The following DPYD variants were observed in gnomAD, a reference collection of about 807,000 sequenced individuals.
DPYD encodes the protein dihydropyrimidine dehydrogenase [NADP(+)].
A neutral mutation model predicts 116.2 loss-of-function variants in DPYD; 109 were observed. That is an observed-to-expected ratio of 0.94 (90% CI 0.80 to 1.10). The LOEUF (loss-of-function observed/expected upper bound fraction) is 1.10. Ranked by LOEUF, DPYD falls within the 50% of genes least tolerant of loss-of-function variation. DPYD has a pLI of 0.00. For synonymous variants in DPYD, 440 were observed against 432.0 expected (o/e 1.02, Z -0.23); for missense variants, 1,302 against 1,254.5 (o/e 1.04, Z -0.57).
chr1:97,486,334 A>C (rs911866586), intron 13 of DPYD, among the ~76,000 whole-genome samples: 1 of 152,106 alleles, frequency 6.6e-6, no homozygotes, highest in African/African-American at 2.4e-5. Flanking sequence ...TCAATTTTTC[A>C]TTTGTACTAT....
intron 18 of DPYD, among the ~76,000 whole-genome samples, chr1:97,287,629 A>G (rs1259856938): frequency 1.3e-5 from 2 of 152,110 alleles, no homozygotes; most frequent in African/African-American, 4.8e-5. Context: ...AAGCCTGGGT[A>G]ATGGCGAGCA....
rs147304839 is a variant in DPYD at position 97,376,424 on chromosome 1, C to T, written c.1975-2780G>A. On this transcript the variant is annotated intron_variant, in intron 15 of 22. Transcript: ENST00000370192. The stretch of plus-strand genomic sequence containing the variant: ...ATTATAATTTCCCCAACATTATACA[C>T]ATATACAAATGCCCACTCACCAAAC... Among the ~76,000 whole-genome samples, 859 of 152,254 alleles carry T rather than the reference C, an allele frequency of 5.6e-3. 11 individuals carry two copies. The highest frequency in any genetic ancestry group is 0.019 in the African/African-American group (808 of 41,554).
chr1:97,557,302 T>G (rs977229288), intron 11 of DPYD, among the ~76,000 whole-genome samples: 16 of 144,602 alleles, frequency 1.1e-4, no homozygotes, highest in Non-Finnish European at 2.1e-4. Flanking sequence ...ATTCCCTTTT[T>G]CTTTTCTTTT....
At chr1:97,247,402 A>G (rs1192087806) in intron 18 of DPYD, among the ~76,000 whole-genome samples, 4 of 152,210 alleles carry the variant, frequency 2.6e-5, no homozygotes, top group African/African-American at 9.6e-5. Context: ...TTAACATACC[A>G]CAAGTCAGCT....
intron 11 of DPYD, among the ~76,000 whole-genome samples, chr1:97,558,161 T>A (rs912046880): frequency 6.6e-6 from 1 of 152,104 alleles, no homozygotes; most frequent in Admixed American, 6.6e-5. Context: ...CAATGAAACC[T>A]TTTTCCCCCC....
chr1:97,286,981 A>G (rs1301591108), intron 18 of DPYD, among the ~76,000 whole-genome samples: 1 of 152,132 alleles, frequency 6.6e-6, no homozygotes, highest in Non-Finnish European at 1.5e-5. Context: ...GTTCCATTGG[A>G]GGAGGAGAGG....
rs191967874 is a variant in DPYD, at chr1:97,875,305, G to C, written c.150+7959C>G. Among the ~76,000 whole-genome samples, 634 of 152,032 alleles carry C rather than the reference G, an allele frequency of 4.2e-3. 2 individuals carry two copies. The highest frequency in any genetic ancestry group is 5.9e-3 in the Non-Finnish European group (401 of 67,896). Reference sequence around the variant, plus strand: ...AATCAGAAACCAATACAATATCTAGGTGGAACTATCATAAGAATCATCTGG... The same window carrying C: ...AATCAGAAACCAATACAATATCTAGCTGGAACTATCATAAGAATCATCTGG... On this transcript the variant is annotated intron_variant, in intron 2 of 22. Transcript: ENST00000370192.
intron 8 of DPYD, among the ~76,000 whole-genome samples, chr1:97,596,470 C>T (rs1192974254): frequency 3.3e-5 from 5 of 152,070 alleles, no homozygotes; most frequent in Non-Finnish European, 5.9e-5. Context: ...TGAAGAAAAT[C>T]TTATAGCAGT....
At chr1:97,098,724 ATG>A in intron 20 of DPYD, 92 bp from the exon 21 acceptor site, 4 of 1,421,738 alleles carry the variant, frequency 2.8e-6, no homozygotes, top group Non-Finnish European at 3.9e-6. Context: ...CAACAAACAA[ATG>A]TGTGTCTAGG....
chr1:97,804,236 T>A (rs924174590), intron 3 of DPYD, among the ~76,000 whole-genome samples: 20 of 151,796 alleles, frequency 1.3e-4, no homozygotes, highest in African/African-American at 4.8e-4. Context: ...ATATAAATAA[T>A]GCCTGTTCTT....
chr1:97,540,382 CAAA>C (rs1185853283), intron 12 of DPYD, among the ~76,000 whole-genome samples: 1 of 143,066 alleles, frequency 7.0e-6, no homozygotes, highest in African/African-American at 2.5e-5. Flanking sequence ...CAAAACAAAA[CAAA>C]ACAAAACAAA....
rs572389444 is a variant in DPYD at position 97,233,647 on chromosome 1, C to A, written c.2442+1205G>T. ...TGGCTAGAGAGAGCAGGCTTTTCAT[C>A]TGTGCCTATTGTTGTTTCTGGGCTG... On this transcript the variant is annotated intron_variant, in intron 19 of 22. Transcript: ENST00000370192. Among the ~76,000 whole-genome samples the A allele has an allele frequency of 6.6e-4, 101 of 152,194 alleles. No homozygotes were observed. In the Middle Eastern group the frequency reaches 0.014, roughly 21 times the overall value.
At chr1:97,230,900 G>C (rs569353806) in intron 19 of DPYD, among the ~76,000 whole-genome samples, 1 of 152,310 alleles carries the variant, frequency 6.6e-6, no homozygotes, top group African/African-American at 2.4e-5. Flanking sequence ...TGCAGTTCCA[G>C]TTCCAGGGTC....
At chr1:97,297,799 T>TAAG (rs1223094780) in intron 18 of DPYD, among the ~76,000 whole-genome samples, 2 of 152,186 alleles carry the variant, frequency 1.3e-5, no homozygotes, top group Non-Finnish European at 2.9e-5. Context: ...TATACAAAGT[T>TAAG]AAGAAGAAAA....
At chr1:97,750,023 A>G (rs1308428910) in intron 3 of DPYD, among the ~76,000 whole-genome samples, 4 of 152,126 alleles carry the variant, frequency 2.6e-5, no homozygotes, top group Non-Finnish European at 5.9e-5. Flanking sequence ...TTCACATGCT[A>G]TGCAAATTAT....
intron 18 of DPYD, among the ~76,000 whole-genome samples, chr1:97,246,695 C>T (rs1662741038): frequency 6.6e-6 from 1 of 151,974 alleles, no homozygotes; most frequent in Non-Finnish European, 1.5e-5. Flanking sequence ...AAACAGCCTA[C>T]CCCCAGCTCT....
rs561514114 is a variant in DPYD, at chr1:97,350,312, C to T, written c.2058+23249G>A. On this transcript the variant is annotated intron_variant, in intron 16 of 22. Transcript: ENST00000370192. The stretch of plus-strand genomic sequence containing the variant: ...TGTCTTATTTAAACAGTTTTCTAAT[C>T]TGAAGTTTAGTACTAATCTGAAGCT... Among the ~76,000 whole-genome samples the T allele has an allele frequency of 2.6e-5, 4 of 152,248 alleles. No individual in the cohort carries two copies. The South Asian group carries it at 6.2e-4, about 24-fold the overall frequency.
At chr1:97,778,819 C>A (rs1666570630) in intron 3 of DPYD, among the ~76,000 whole-genome samples, 1 of 152,102 alleles carries the variant, frequency 6.6e-6, no homozygotes, top group Non-Finnish European at 1.5e-5. Context: ...TAAGAAATAG[C>A]TGCTCAATTT....
chr1:97,161,358 C>T (rs910060850), intron 20 of DPYD, among the ~76,000 whole-genome samples: 2 of 152,070 alleles, frequency 1.3e-5, no homozygotes, highest in South Asian at 2.1e-4. Context: ...CATCATTCTA[C>T]CATACTGATA....
Sources: gnomAD v4.1 joint callset for allele counts (sites outside exome capture counted in the v4.1 genomes callset) on GRCh38, gnomAD v4.1.1 for gene constraint, MANE v1.5 for transcripts, NCBI Gene and HGNC (gene_info 2026-07-23, HGNC 2026-07-21) for gene names.